Variants in GPC6 observed in about 807,000 individuals in gnomAD.
GPC6 encodes the protein glypican 6, also known as glypican-6.
GPC6 carries 14 observed loss-of-function variants against 55.2 expected under a neutral mutation model. The ratio of observed to expected loss-of-function variants is 0.25; its 90% CI spans 0.17 to 0.40. The LOEUF (loss-of-function observed/expected upper bound fraction) is 0.40, where lower values mean the gene tolerates loss of function less well. Among genes scored for constraint, GPC6 ranks in the 10% least tolerant of loss-of-function variants. The pLI is 1.00. For synonymous variants in GPC6, 278 were observed against 259.6 expected, an observed-to-expected ratio of 1.07 and a Z score of -0.68; for missense variants, 641 against 708.5, an observed-to-expected ratio of 0.90 and a Z score of 1.08.
intron 1 of GPC6, among the ~76,000 whole-genome samples, chr13:93,343,881 A>T (rs1053732055): frequency 2.0e-5 from 3 of 152,114 alleles, no homozygotes; most frequent in Non-Finnish European, 4.4e-5. Context: ...CTAATGCTCC[A>T]TCCTTTGATC....
chr13:93,716,159 T>C (rs74595283), intron 2 of GPC6, among the ~76,000 whole-genome samples: 1,689 of 151,794 alleles, frequency 0.011, 30 homozygotes, highest in African/African-American at 0.038. Context: ...TAGAATTATA[T>C]ACAGTACATA....
At chr13:93,421,635 G>A (rs1469262536) in intron 1 of GPC6, among the ~76,000 whole-genome samples, 2 of 152,028 alleles carry the variant, frequency 1.3e-5, no homozygotes, top group East Asian at 3.9e-4. Flanking sequence ...AGTCCCTAAT[G>A]TGCAGATTCA....
In GPC6 at chr13:93,842,326, T is replaced by C. The variant is rs144898268; in HGVS notation, c.711+11781T>C. Among the ~76,000 whole-genome samples, 5 of 152,276 alleles carry C rather than the reference T, an allele frequency of 3.3e-5. No individual in the cohort carries two copies. In the East Asian group the frequency reaches 9.6e-4, roughly 29 times the overall value. ...ACAAACCTTACGATATTCTGCTGCA[T>C]CGGTAGAGAGAAGATAACTATATAA... On this transcript the variant is annotated intron_variant, in intron 3 of 8. Transcript: ENST00000377047.
intron 4 of GPC6, among the ~76,000 whole-genome samples, chr13:94,105,184 G>A (rs572075187): frequency 2.2e-4 from 34 of 152,068 alleles, no homozygotes; most frequent in African/African-American, 7.2e-4. Context: ...GCAAGACCCC[G>A]TATCTACAAA....
At chr13:93,934,771 A>G (rs1027734221) in intron 3 of GPC6, among the ~76,000 whole-genome samples, 3 of 150,362 alleles carry the variant, frequency 2.0e-5, no homozygotes, top group African/African-American at 7.3e-5. Context: ...TAAGGATACA[A>G]TATGTGACCA....
intron 2 of GPC6, among the ~76,000 whole-genome samples, chr13:93,640,886 A>C (rs1157664847): frequency 7.9e-6 from 1 of 127,036 alleles, no homozygotes; most frequent in African/African-American, 3.0e-5. Context: ...TTCCCTCTTT[A>C]TCTTTTTTCT....
Position 93,227,321 on chromosome 13 carries a change from C to A in GPC6, c.-136C>A. 2.4e-6 allele frequency: 2 copies of A among 819,554 alleles called. No homozygotes were observed. Among genetic ancestry groups the A allele is most frequent in the African/African-American group, 1.7e-5 (1 of 58,400 alleles). The allele number at this position is 819,554 out of a possible 1,614,324, so 50.8% of individuals were successfully genotyped here. Reference sequence around the variant, plus strand: ...TCCAGAGGGCTGCGCTGCTCGTCCCCTCGGCTGGCAGAAGGGGGTGACGCT... The same window carrying A: ...TCCAGAGGGCTGCGCTGCTCGTCCCATCGGCTGGCAGAAGGGGGTGACGCT... On this transcript the variant is annotated 5_prime_UTR_variant, in exon 1 of 9. Coordinates refer to ENST00000377047, the MANE Select transcript of GPC6 (RefSeq NM_005708.5). The surrounding 1 kb of genome is among the most constrained non-coding windows in gnomAD (Gnocchi z 4.3).
chr13:93,882,048 TCCTC>T (rs1875011516), intron 3 of GPC6, among the ~76,000 whole-genome samples: 1 of 151,934 alleles, frequency 6.6e-6, no homozygotes, highest in Admixed American at 6.6e-5. Context: ...CCTTACTTTC[TCCTC>T]CCTCCCTCCT....
chr13:94,115,833 A>G (rs1312084747), intron 4 of GPC6, among the ~76,000 whole-genome samples: 1 of 152,136 alleles, frequency 6.6e-6, no homozygotes, highest in Non-Finnish European at 1.5e-5. Context: ...TTTATAAATC[A>G]CATTATAGTA....
chr13:94,211,285 T>A (rs1004218339), intron 4 of GPC6, among the ~76,000 whole-genome samples: 1 of 152,164 alleles, frequency 6.6e-6, no homozygotes, highest in African/African-American at 2.4e-5. Context: ...AAGAGCTTAT[T>A]TATGTAGCAA....
chr13:94,387,730 TTC>T (rs3044333), intron 7 of GPC6, among the ~76,000 whole-genome samples: 9,328 of 141,048 alleles, frequency 0.066, 395 homozygotes, highest in East Asian at 0.26. Context: ...AGACATGAGT[TTC>T]TCTCTCTCTC....
intron 7 of GPC6, among the ~76,000 whole-genome samples, chr13:94,386,442 T>A (rs931080461): frequency 3.5e-4 from 52 of 150,478 alleles, no homozygotes; most frequent in African/African-American, 1.3e-3. Context: ...AATATTAAAG[T>A]AGCTAGGCAT....
intron 6 of GPC6, among the ~76,000 whole-genome samples, chr13:94,363,378 A>G (rs1879144748): frequency 6.6e-6 from 1 of 152,202 alleles, no homozygotes; most frequent in African/African-American, 2.4e-5. Context: ...GCTGGATTCA[A>G]ACAGACTTCT....
intron 3 of GPC6, among the ~76,000 whole-genome samples, chr13:93,867,602 G>C (rs182547839): frequency 1.3e-3 from 190 of 151,836 alleles, no homozygotes; most frequent in Non-Finnish European, 2.3e-3. Context: ...GGAAACCCTT[G>C]TCAACATGCC....
At chr13:94,176,566 G>C (rs773491725) in intron 4 of GPC6, among the ~76,000 whole-genome samples, 36 of 152,240 alleles carry the variant, frequency 2.4e-4, no homozygotes, top group Admixed American at 1.6e-3. Flanking sequence ...TCAAAAAGAA[G>C]CCAATACACA....
chr13:93,592,780 A>G (rs1877552504), intron 2 of GPC6, among the ~76,000 whole-genome samples: 1 of 152,154 alleles, frequency 6.6e-6, no homozygotes, highest in African/African-American at 2.4e-5. Context: ...AAAATTAGAT[A>G]GTTCTTCATA....
intron 3 of GPC6, among the ~76,000 whole-genome samples, chr13:94,004,608 C>T (rs920211601): frequency 6.6e-6 from 1 of 152,086 alleles, no homozygotes. Context: ...TTTCCTTTTA[C>T]CAGATTTATC....
chr13:93,501,693 ACT>A (rs1880525887), intron 1 of GPC6, among the ~76,000 whole-genome samples: 1 of 152,166 alleles, frequency 6.6e-6, no homozygotes, highest in Non-Finnish European at 1.5e-5. Context: ...CATGTGAGAC[ACT>A]GAGTTCGTCT....
At chr13:93,926,083 T>C (rs953732064) in intron 3 of GPC6, among the ~76,000 whole-genome samples, 2 of 152,190 alleles carry the variant, frequency 1.3e-5, no homozygotes, top group African/African-American at 4.8e-5. Context: ...AGCATTCCAA[T>C]AGAGCAAGGT....
Sources: gnomAD v4.1 joint callset for allele counts (sites outside exome capture counted in the v4.1 genomes callset) on GRCh38, gnomAD v4.1.1 for gene constraint, Gnocchi (gnomAD v3.1) non-coding constraint, MANE v1.5 for transcripts, NCBI Gene and HGNC (gene_info 2026-07-23, HGNC 2026-07-21) for gene names.